The following SPDYA variants were observed in gnomAD, a reference collection of about 807,000 sequenced individuals.
The protein encoded by SPDYA is speedy/RINGO cell cycle regulator family member A.
In SPDYA, 11 loss-of-function variants were observed where a neutral mutation model predicts 36.7. The observed-to-expected ratio is 0.30, with a 90% CI of 0.19 to 0.50. The LOEUF is 0.50. Ranked by LOEUF, SPDYA falls within the 20% of genes least tolerant of loss-of-function variation. SPDYA has a pLI of 0.98. For missense variants in SPDYA, 287 were observed against 370.9 expected (o/e 0.77, Z 1.86); for synonymous variants, 115 against 118.7 (o/e 0.97, Z 0.20).
chr2:28,843,098 C>T (rs1668786004), intron 7 of SPDYA, among the ~76,000 whole-genome samples: 1 of 152,152 alleles, frequency 6.6e-6, no homozygotes, highest in Non-Finnish European at 1.5e-5. Context: ...CAAACAACTC[C>T]TCAATTTGCA....
At chr2:28,847,197 G>A (rs1341059999) in intron 7 of SPDYA, among the ~76,000 whole-genome samples, 1 of 152,030 alleles carries the variant, frequency 6.6e-6, no homozygotes, top group African/African-American at 2.4e-5. Context: ...ACAAAAATTA[G>A]CCAGGCGTGG....
At chr2:28,837,906 G>C (rs1487482200) in intron 6 of SPDYA, among the ~76,000 whole-genome samples, 1 of 151,766 alleles carries the variant, frequency 6.6e-6, no homozygotes, top group East Asian at 1.9e-4. Context: ...ATCACAGACA[G>C]GTAGAGTATA....
intron 2 of SPDYA, among the ~76,000 whole-genome samples, chr2:28,815,462 T>G (rs1236301717): frequency 1.3e-5 from 2 of 152,112 alleles, no homozygotes; most frequent in Non-Finnish European, 1.5e-5. Context: ...GCTTATTGAA[T>G]AAGTGAATTT....
At chr2:28,832,586 C>G (rs1346091103) in intron 6 of SPDYA, among the ~76,000 whole-genome samples, 1 of 152,152 alleles carries the variant, frequency 6.6e-6, no homozygotes, top group Non-Finnish European at 1.5e-5. Context: ...AATTGAACTC[C>G]TGACTCCTTG....
chr2:28,840,935 T>TTG, intron 7 of SPDYA: 1 of 257,226 alleles, frequency 3.9e-6, no homozygotes, highest in African/African-American at 2.3e-5. Context: ...AACCAGTTTT[T>TTG]TTTTTTTTTT....
intron 3 of SPDYA, 109 bp downstream of exon 3, chr2:28,816,358 T>G: frequency 3.4e-6 from 3 of 883,354 alleles, no homozygotes; most frequent in Non-Finnish European, 4.8e-6. Context: ...ATTTTTGTAT[T>G]AAATTTCCCA....
intron 6 of SPDYA, among the ~76,000 whole-genome samples, chr2:28,836,103 T>A (rs1471430204): frequency 1.3e-5 from 2 of 152,254 alleles, no homozygotes; most frequent in Non-Finnish European, 2.9e-5. Context: ...CACAGTGCTT[T>A]ACAAATTATG....
At chr2:28,830,264 T>G (rs1358395055) in intron 6 of SPDYA, among the ~76,000 whole-genome samples, 1 of 142,720 alleles carries the variant, frequency 7.0e-6, no homozygotes, top group Non-Finnish European at 1.5e-5. Context: ...AGTGCAGTGG[T>G]GCGATCTCTG....
At chr2:28,813,819 T>C (rs1053305331) in intron 1 of SPDYA, among the ~76,000 whole-genome samples, 1 of 152,194 alleles carries the variant, frequency 6.6e-6, no homozygotes. Flanking sequence ...CCCAAAGTGC[T>C]GGGATTACAG....
chr2:28,814,149 G>A (rs886461177), intron 1 of SPDYA, among the ~76,000 whole-genome samples: 2 of 152,108 alleles, frequency 1.3e-5, no homozygotes, highest in African/African-American at 4.8e-5. Flanking sequence ...ATCTAATATG[G>A]TAGCCACTGG....
intron 7 of SPDYA, among the ~76,000 whole-genome samples, chr2:28,847,318 G>C (rs532153777): frequency 1.3e-5 from 2 of 152,192 alleles, no homozygotes; most frequent in Non-Finnish European, 2.9e-5. Flanking sequence ...ACTCCAGTCT[G>C]GGCAACAGAG....
intron 6 of SPDYA, among the ~76,000 whole-genome samples, chr2:28,829,710 G>A (rs1283613378): frequency 4.0e-5 from 6 of 151,892 alleles, no homozygotes; most frequent in East Asian, 1.9e-4. Context: ...TTGGGAGGCC[G>A]AGGCGGGCAG....
At position 28,840,087 on chromosome 2, in the gene SPDYA, T is replaced by C. The variant is rs1668712573; in HGVS notation, c.553-85T>C. ...ATTTTTATCTTCACTTTAGAGACAG[T>C]TGTTCTTGAGTTATAAGTTTTGAAC... On this transcript the variant is annotated intron_variant, in intron 6 of 7. Transcript: ENST00000334056. The C allele has an allele frequency of 7.9e-6, 10 of 1,260,318 alleles. No homozygotes were observed. The East Asian group carries it at 1.5e-4, about 19-fold the overall frequency. The allele number at this position is 1,260,318 out of a possible 1,614,324, so 78.1% of individuals were successfully genotyped here.
chr2:28,831,150 A>G (rs1015284704), intron 6 of SPDYA, among the ~76,000 whole-genome samples: 1 of 152,174 alleles, frequency 6.6e-6, no homozygotes, highest in Non-Finnish European at 1.5e-5. Context: ...TGAGTCCAAG[A>G]GTTCAAGACC....
At chr2:28,835,411 TTTTTAGTAGAGA>T (rs1361347194) in intron 6 of SPDYA, among the ~76,000 whole-genome samples, 3 of 152,130 alleles carry the variant, frequency 2.0e-5, no homozygotes, top group Admixed American at 2.0e-4. Flanking sequence ...CTATTTTGTA[TTTTTAGTAGAGA>T]CAGGGTTTTC....
chr2:28,827,426 T>A (rs753032169), intron 5 of SPDYA, among the ~76,000 whole-genome samples: 47 of 152,350 alleles, frequency 3.1e-4, no homozygotes, highest in Non-Finnish European at 4.9e-4. Flanking sequence ...TATCGTATTA[T>A]CTTTACTGGA....
chr2:28,832,234 C>A (rs929900983), intron 6 of SPDYA, among the ~76,000 whole-genome samples: 2 of 152,154 alleles, frequency 1.3e-5, no homozygotes, highest in Non-Finnish European at 2.9e-5. Context: ...ATGGCCAAAT[C>A]CCAAGGTTAA....
At chr2:28,843,035 C>A (rs752636302) in intron 7 of SPDYA, among the ~76,000 whole-genome samples, 12 of 152,100 alleles carry the variant, frequency 7.9e-5, no homozygotes, top group Admixed American at 3.3e-4. Context: ...GACTTCTATG[C>A]GAAACTTAGC....
chr2:28,835,342 C>T (rs908513764), intron 6 of SPDYA, among the ~76,000 whole-genome samples: 1 of 152,004 alleles, frequency 6.6e-6, no homozygotes, highest in Non-Finnish European at 1.5e-5. Context: ...TCTCCTGCCT[C>T]GGCTTCCCAA....
Sources: allele counts gnomAD v4.1 joint callset (sites outside exome capture counted in the v4.1 genomes callset), GRCh38; gene constraint gnomAD v4.1.1; transcripts MANE v1.5; gene names NCBI Gene and HGNC (gene_info 2026-07-23, HGNC 2026-07-21).